Variants in SGCZ observed in about 807,000 individuals in gnomAD.
SGCZ encodes zeta-sarcoglycan.
SGCZ carries 40 observed loss-of-function variants against 41.3 expected under a neutral mutation model. The ratio of observed to expected loss-of-function variants is 0.97; its 90% CI spans 0.75 to 1.26. SGCZ has a LOEUF of 1.26. Ranked by LOEUF, SGCZ falls within the 50% of genes most tolerant of loss-of-function variation. The probability of loss-of-function intolerance (pLI) is 0.00; values close to 1 mark genes in which losing one functional copy is unlikely to be tolerated. For missense variants in SGCZ, 552 were observed against 369.8 expected (o/e 1.49, Z -4.04); for synonymous variants, 206 against 137.5 (o/e 1.50, Z -3.49).
At chr8:14,535,280 G>T (rs775867655) in intron 2 of SGCZ, among the ~76,000 whole-genome samples, 1 of 151,652 alleles carries the variant, frequency 6.6e-6, no homozygotes, top group Non-Finnish European at 1.5e-5. Flanking sequence ...ATCTATGTGG[G>T]CTAAAAGAAA....
intron 4 of SGCZ, among the ~76,000 whole-genome samples, chr8:14,177,958 C>CCTTTTTT (rs1554472807): frequency 1.1e-5 from 1 of 95,050 alleles, no homozygotes; most frequent in African/African-American, 3.7e-5. Flanking sequence ...CTTTTTTTTT[C>CCTTTTTT]TTTTTTTTTT....
chr8:14,848,596 A>G (rs1040047822), intron 1 of SGCZ, among the ~76,000 whole-genome samples: 1 of 152,230 alleles, frequency 6.6e-6, no homozygotes, highest in Non-Finnish European at 1.5e-5. Context: ...TATTTCCATA[A>G]AAGAAGGATA....
intron 2 of SGCZ, among the ~76,000 whole-genome samples, chr8:14,508,671 G>T (rs1443436928): frequency 2.0e-5 from 3 of 152,148 alleles, no homozygotes; most frequent in African/African-American, 7.2e-5. Flanking sequence ...AGCACGATAT[G>T]AAATAAAGTA....
intron 7 of SGCZ, among the ~76,000 whole-genome samples, chr8:14,101,321 A>AAGTT (rs58334265): frequency 0.021 from 3,244 of 152,244 alleles, 132 homozygotes; most frequent in African/African-American, 0.075. Context: ...TGAAAATGCA[A>AAGTT]AGTTATGTCT....
At chr8:14,202,825 T>G (rs1159568640) in intron 4 of SGCZ, among the ~76,000 whole-genome samples, 1 of 152,164 alleles carries the variant, frequency 6.6e-6, no homozygotes, top group Non-Finnish European at 1.5e-5. Context: ...GTCTTAATAT[T>G]TGTAGATGAT....
chr8:14,340,249 T>C (rs1035554704), intron 2 of SGCZ, among the ~76,000 whole-genome samples: 1 of 152,168 alleles, frequency 6.6e-6, no homozygotes, highest in South Asian at 2.1e-4. Flanking sequence ...AACACTCTTA[T>C]ACTTTCAAAA....
intron 1 of SGCZ, among the ~76,000 whole-genome samples, chr8:14,816,898 C>T (rs17120321): frequency 0.028 from 4,219 of 152,288 alleles, 169 homozygotes; most frequent in African/African-American, 0.087. Flanking sequence ...CTGCACTTAT[C>T]AATTTTAGTC....
At chr8:14,774,583 TTAAAAACAAATCTGCATTGAAATGAATAA>T (rs1800343805) in intron 1 of SGCZ, among the ~76,000 whole-genome samples, 1 of 152,166 alleles carries the variant, frequency 6.6e-6, no homozygotes, top group Non-Finnish European at 1.5e-5. Flanking sequence ...GAACAAAGCT[TTAAAAACAAATCTGCATTGAAATGAATAA>T]TATGTGATTC....
intron 5 of SGCZ, among the ~76,000 whole-genome samples, chr8:14,116,883 T>C (rs1350304276): frequency 6.6e-6 from 1 of 152,120 alleles, no homozygotes; most frequent in African/African-American, 2.4e-5. Context: ...ACTCATCACA[T>C]GCTCAGCGTT....
At chr8:14,701,243 T>C (rs981654767) in intron 1 of SGCZ, among the ~76,000 whole-genome samples, 2 of 151,960 alleles carry the variant, frequency 1.3e-5, no homozygotes, top group African/African-American at 4.8e-5. Context: ...CAGTCAAGTC[T>C]TTACAGGATT....
chr8:14,238,477 T>A lies in SGCZ; in HGVS notation c.337-798A>T, dbSNP rs564582577. ...TATACAATATCTGATTTTTGTAAAT[T>A]CTCCTTTAGGACATAAAACTCTGGT... On this transcript the variant is annotated intron_variant, in intron 3 of 7. Transcript: ENST00000382080. Among the ~76,000 whole-genome samples, 7 of 152,330 alleles carry A rather than the reference T, an allele frequency of 4.6e-5. 1 individual carries two copies. The South Asian group carries it at 1.4e-3, about 32-fold the overall frequency.
chr8:14,753,016 C>G (rs1563246772), intron 1 of SGCZ, among the ~76,000 whole-genome samples: 1 of 151,784 alleles, frequency 6.6e-6, no homozygotes, highest in Admixed American at 6.6e-5. Flanking sequence ...TATGGAAACT[C>G]TCCGTACTGT....
chr8:14,424,999 T>G (rs1241173439), intron 2 of SGCZ, among the ~76,000 whole-genome samples: 1 of 152,208 alleles, frequency 6.6e-6, no homozygotes, highest in African/African-American at 2.4e-5. Flanking sequence ...CATTGAAATT[T>G]TCATGACTTC....
At chr8:15,236,253 C>G (rs75944454) in intron 1 of SGCZ, among the ~76,000 whole-genome samples, 5,950 of 152,272 alleles carry the variant, frequency 0.039, 182 homozygotes, top group African/African-American at 0.082. Flanking sequence ...CCTTCCTTCC[C>G]CGTCTATGCA....
intron 1 of SGCZ, among the ~76,000 whole-genome samples, chr8:14,573,779 T>C (rs1158646166): frequency 6.6e-6 from 1 of 152,118 alleles, no homozygotes. Flanking sequence ...TATGTGAATA[T>C]GGGGAATCTT....
intron 1 of SGCZ, among the ~76,000 whole-genome samples, chr8:14,880,735 T>A (rs541361313): frequency 2.0e-5 from 3 of 151,996 alleles, no homozygotes; most frequent in Non-Finnish European, 4.4e-5. Context: ...TTCTCACTCA[T>A]AGGTGGGAAT....
intron 1 of SGCZ, among the ~76,000 whole-genome samples, chr8:14,850,881 C>T (rs1803294107): frequency 6.6e-6 from 1 of 152,112 alleles, no homozygotes; most frequent in Non-Finnish European, 1.5e-5. Context: ...CCTTGCTTCC[C>T]CTTCGCCTTC....
At chr8:14,839,084 G>C (rs1802809065) in intron 1 of SGCZ, among the ~76,000 whole-genome samples, 1 of 152,168 alleles carries the variant, frequency 6.6e-6, no homozygotes, top group African/African-American at 2.4e-5. Flanking sequence ...AGGTGGTTGG[G>C]AGAAGACTGA....
chr8:14,281,851 G>T (rs1213552396), intron 3 of SGCZ, among the ~76,000 whole-genome samples: 1 of 103,798 alleles, frequency 9.6e-6, no homozygotes, highest in East Asian at 3.1e-4. Context: ...AATTAAGTTT[G>T]TCAGAACCAT....
Sources: allele counts gnomAD v4.1 joint callset (sites outside exome capture counted in the v4.1 genomes callset), GRCh38; gene constraint gnomAD v4.1.1; transcripts MANE v1.5; gene names NCBI Gene and HGNC (gene_info 2026-07-23, HGNC 2026-07-21).